Variants in PTS observed in about 807,000 individuals in gnomAD.
PTS encodes the protein 6-pyruvoyltetrahydropterin synthase, also known as 6-pyruvoyl tetrahydrobiopterin synthase.
PTS carries 23 observed loss-of-function variants against 20.6 expected under a neutral mutation model. The ratio of observed to expected loss-of-function variants is 1.12; its 90% CI spans 0.80 to 1.58. PTS has a LOEUF of 1.58. Among genes scored for constraint, PTS ranks in the 40% most tolerant of loss-of-function variants. The probability of loss-of-function intolerance (pLI) is 0.00; values close to 1 mark genes in which losing one functional copy is unlikely to be tolerated. For missense variants in PTS, 186 were observed against 182.4 expected (o/e 1.02, Z -0.11); for synonymous variants, 65 against 62.5 (o/e 1.04, Z -0.19).
chr11:112,232,447 G>A lies in PTS; in HGVS notation c.244-716G>A, dbSNP rs1460904090. On this transcript the variant is annotated intron_variant, in intron 4 of 5. Transcript: ENST00000280362. ...TTCTAGTTTTTCTCAAGAAATGATTGCTGTTACTGTTATTAATGTACCCTT... is the reference window on the plus strand; with the variant it reads ...TTCTAGTTTTTCTCAAGAAATGATTACTGTTACTGTTATTAATGTACCCTT... Among the ~76,000 whole-genome samples the A allele has an allele frequency of 2.0e-5, 3 of 152,096 alleles. No homozygotes were observed. In the East Asian group the frequency reaches 5.8e-4, roughly 29 times the overall value.
chr11:112,230,432 A>G lies in PTS; in HGVS notation c.187-194A>G, dbSNP rs1859915690. 12 of 798,922 alleles carry G rather than the reference A, an allele frequency of 1.5e-5. No individual in the cohort carries two copies. The South Asian group carries it at 1.6e-4, about 10-fold the overall frequency. The allele number at this position is 798,922 out of a possible 1,614,324, so 49.5% of individuals were successfully genotyped here. A position where few individuals can be genotyped will look rare whatever the true frequency, so the allele number is the denominator to read the frequency against. ...TTTAATATGCTGTATGTGGACAGGT[A>G]GAAGGGCTATACAATGAAAAGGATG... On this transcript the variant is annotated intron_variant, in intron 3 of 5. Transcript: ENST00000280362.
At chr11:112,229,881 A>G (rs982961377) in intron 2 of PTS, among the ~76,000 whole-genome samples, 2 of 152,218 alleles carry the variant, frequency 1.3e-5, no homozygotes, top group African/African-American at 4.8e-5. Context: ...TTCTACTTCT[A>G]CAGGCAGAGA....
intron 4 of PTS, among the ~76,000 whole-genome samples, chr11:112,232,068 A>G (rs1435220215): frequency 1.3e-5 from 2 of 152,238 alleles, no homozygotes; most frequent in African/African-American, 4.8e-5. Context: ...CTGCTTTTGT[A>G]TGCCTGAAGG....
chr11:112,228,928 A>G (rs561520529), intron 2 of PTS: 62 of 496,408 alleles, frequency 1.2e-4, no homozygotes, highest in Non-Finnish European at 2.1e-4. Flanking sequence ...TTTGTCCTAG[A>G]GTACACAACA....
At chr11:112,229,259 C>G (rs1859901180) in intron 2 of PTS, 1 of 155,310 alleles carries the variant, frequency 6.4e-6, no homozygotes, top group African/African-American at 2.4e-5. Flanking sequence ...TAGCTACAGC[C>G]TCTTCCTTAA....
At chr11:112,226,620 C>A in intron 1 of PTS, 94 bp downstream of exon 1, 1 of 1,118,728 alleles carries the variant, frequency 8.9e-7, no homozygotes, top group Non-Finnish European at 1.2e-6. Flanking sequence ...ACGTCGGGCC[C>A]GGGAGGGGCG....
chr11:112,230,379 C>T, intron 3 of PTS, 149 bp downstream of exon 3: 1 of 988,894 alleles, frequency 1.0e-6, no homozygotes, highest in Non-Finnish European at 1.6e-6. Flanking sequence ...GCCGCCATTC[C>T]AGGCCTCTCC....
rs1859974940 is a variant in PTS at position 112,233,667 on chromosome 11, G to T, written c.*112G>T. On this transcript the variant is annotated 3_prime_UTR_variant, in exon 6 of 6. Coordinates refer to ENST00000280362, the MANE Select transcript of PTS (RefSeq NM_000317.3). ...CGTGATTGTTGTACGTACACATTGTGCTCTGGAGTGCCTATTTATTGAAAT... is the reference window on the plus strand; with the variant it reads ...CGTGATTGTTGTACGTACACATTGTTCTCTGGAGTGCCTATTTATTGAAAT... 1 of 1,477,640 alleles carries T rather than the reference G, an allele frequency of 6.8e-7. No homozygotes were observed. Among genetic ancestry groups the T allele is most frequent in the South Asian group, 1.3e-5 (1 of 76,506 alleles). 91.5% of individuals were successfully genotyped at this position (1,477,640 alleles called of 1,614,324 possible).
At chr11:112,233,043 A>G in intron 4 of PTS, 120 bp from the exon 5 acceptor site, 11 of 980,270 alleles carry the variant, frequency 1.1e-5, no homozygotes, top group Non-Finnish European at 1.8e-5. Flanking sequence ...CAAATCTAGT[A>G]CTTACAAATA....
chr11:112,229,040 A>T (rs1381462511), intron 2 of PTS: 2 of 237,106 alleles, frequency 8.4e-6, no homozygotes, highest in Non-Finnish European at 1.7e-5. Context: ...CTAGGAATGT[A>T]ATGTATGGCA....
intron 1 of PTS, 134 bp downstream of exon 1, chr11:112,226,660 C>G (rs568808725): frequency 1.7e-6 from 1 of 604,870 alleles, no homozygotes; most frequent in Admixed American, 4.6e-5. Context: ...GCGCGCTGGT[C>G]GGCTTCGTGG....
At position 112,228,640 on chromosome 11, in the gene PTS, A is replaced by G; in HGVS notation, c.130A>G (p.Asn44Asp). Residue 44 changes from asparagine (N) to aspartate (D), a missense_variant, in exon 2 of 6, where the codon AAC becomes GAC. By Grantham distance (23) the Asn-to-Asp change is conservative. Coordinates refer to ENST00000280362, the MANE Select transcript of PTS (RefSeq NM_000317.3). Reference protein sequence around the residue: ...EENLKLFGKCNNPNGHGHNYK... With the variant: ...EENLKLFGKCDNPNGHGHNYK... ...AAACTTGAAACTGTTTGGGAAATGCAACAATCCAAATGGCCATGGGCACAA... is the reference window on the plus strand; with the variant it reads ...AAACTTGAAACTGTTTGGGAAATGCGACAATCCAAATGGCCATGGGCACAA... 6.2e-7 allele frequency: 1 copy of G among 1,612,400 alleles called. No homozygotes were observed. The highest frequency in any genetic ancestry group is 8.5e-7 in the Non-Finnish European group (1 of 1,179,870).
chr11:112,232,263 A>G (rs945429572), intron 4 of PTS, among the ~76,000 whole-genome samples: 1 of 152,192 alleles, frequency 6.6e-6, no homozygotes, highest in Admixed American at 6.5e-5. Flanking sequence ...AAAAGAAAAC[A>G]AAAAGCCCTG....
intron 4 of PTS, among the ~76,000 whole-genome samples, chr11:112,231,487 A>G (rs1002276668): frequency 1.3e-5 from 2 of 152,076 alleles, no homozygotes; most frequent in Non-Finnish European, 2.9e-5. Context: ...CTGGGAGTAG[A>G]TTTCTTTCCT....
At chr11:112,227,344 G>A (rs1191264266) in intron 1 of PTS, among the ~76,000 whole-genome samples, 1 of 151,968 alleles carries the variant, frequency 6.6e-6, no homozygotes, top group East Asian at 1.9e-4. Flanking sequence ...TCTTGTATGG[G>A]GTTTCCAATC....
chr11:112,230,733 T>C (rs1859919496), intron 4 of PTS, 51 bp downstream of exon 4: 1 of 1,504,002 alleles, frequency 6.6e-7, no homozygotes, highest in African/African-American at 1.4e-5. Context: ...CTGTAATATT[T>C]GGTGGCCCCC....
At chr11:112,227,052 G>A (rs1256968729) in intron 1 of PTS, among the ~76,000 whole-genome samples, 11 of 149,394 alleles carry the variant, frequency 7.4e-5, no homozygotes, top group Admixed American at 1.3e-4. Flanking sequence ...GTGGTCTAGT[G>A]GCTAGGAGAA....
intron 4 of PTS, 42 bp from the exon 5 acceptor site, chr11:112,233,121 G>T: frequency 6.4e-7 from 1 of 1,564,100 alleles, no homozygotes; most frequent in Non-Finnish European, 8.8e-7. Flanking sequence ...AATTTGAGTC[G>T]TAAATGGAGT....
chr11:112,228,525 A>G (rs1284897683), intron 1 of PTS, 69 bp from the exon 2 acceptor site: 2 of 1,289,664 alleles, frequency 1.6e-6, no homozygotes, highest in Non-Finnish European at 2.2e-6. Flanking sequence ...TAATAAATAT[A>G]AGGAACAGAG....
Sources: allele counts gnomAD v4.1 joint callset (sites outside exome capture counted in the v4.1 genomes callset), GRCh38; gene constraint gnomAD v4.1.1; transcripts MANE v1.5; gene names NCBI Gene and HGNC (gene_info 2026-07-23, HGNC 2026-07-21).